Variants in NPEPPS observed in about 807,000 individuals in gnomAD.
The protein encoded by NPEPPS is puromycin-sensitive aminopeptidase.
A neutral mutation model predicts 115.5 loss-of-function variants in NPEPPS; 14 were observed. The observed-to-expected ratio is 0.12, with a 90% CI of 0.08 to 0.19. The LOEUF (loss-of-function observed/expected upper bound fraction) is 0.19, where lower values mean the gene tolerates loss of function less well. Ranked by LOEUF, NPEPPS falls within the 10% of genes least tolerant of loss-of-function variation. The pLI is 1.00. For synonymous variants in NPEPPS, 285 were observed against 390.6 expected (o/e 0.73, Z 3.19); for missense variants, 523 against 1,110.8 (o/e 0.47, Z 7.52).
rs760746804 is a variant in NPEPPS, at chr17:47,605,354, A to G, written c.1897A>G (p.Thr633Ala). ...FSLARAGIIS[T>A]VEVLKVMEAF... ...CCAGGCTCGAGCTGGAATCATTAGC[A>G]CTGTAGAGGTTCTAAAAGTCATGGA... Residue 633 changes from threonine to alanine, a missense_variant, in exon 17 of 23, where the codon ACT becomes GCT. By Grantham distance (58) the Thr-to-Ala change is moderately conservative. Coordinates refer to ENST00000322157, the MANE Select transcript of NPEPPS (RefSeq NM_006310.4). 6.2e-7 allele frequency: 1 copy of G among 1,609,418 alleles called. No individual in the cohort carries two copies. The highest frequency in any genetic ancestry group is 2.2e-5 in the East Asian group (1 of 44,834).
In NPEPPS at chr17:47,546,002, T is replaced by C. The variant is rs1238190572; in HGVS notation, c.340+9T>C. 3.9e-6 allele frequency: 6 copies of C among 1,523,814 alleles called. No homozygotes were observed. The highest frequency in any genetic ancestry group is 5.3e-6 in the Non-Finnish European group (6 of 1,134,116). The allele number at this position is 1,523,814 out of a possible 1,614,324, so 94.4% of individuals were successfully genotyped here. On this transcript the variant is annotated intron_variant, in intron 2 of 22. Transcript: ENST00000322157. ...ACCAGAAGGAGATGAAGGTAAGAGCTGTTTTCCATTTTAATTTGCTGTCTG... is the reference window on the plus strand; with the variant it reads ...ACCAGAAGGAGATGAAGGTAAGAGCCGTTTTCCATTTTAATTTGCTGTCTG...
chr17:47,585,452 G>T, intron 5 of NPEPPS, 48 bp from the exon 6 acceptor site: 10 of 1,348,236 alleles, frequency 7.4e-6, no homozygotes, highest in Admixed American at 1.7e-5. Context: ...TTGCTCTATG[G>T]TATTAATGTA....
At chr17:47,526,386 C>T (rs1164799079), upstream of NPEPPS, among the ~76,000 whole-genome samples, 3 of 152,190 alleles carry the variant, frequency 2.0e-5, no homozygotes, top group South Asian at 2.1e-4. Flanking sequence ...GGAGGGGCCC[C>T]GGTTTGCCGA....
chr17:47,532,839 A>ACATCCTGCACAATAGG (rs1907923092), intron 1 of NPEPPS, among the ~76,000 whole-genome samples: 2 of 152,134 alleles, frequency 1.3e-5, no homozygotes, highest in African/African-American at 2.4e-5. Flanking sequence ...TGCCCGACAA[A>ACATCCTGCACAATAGG]CATCCTGCAC....
At chr17:47,612,294 T>C (rs931684877) in intron 17 of NPEPPS, among the ~76,000 whole-genome samples, 166 bp from the exon 18 acceptor site, 2 of 152,264 alleles carry the variant, frequency 1.3e-5, no homozygotes, top group Non-Finnish European at 2.9e-5. Flanking sequence ...ATCACTCTTA[T>C]GATTTGATAA....
chr17:47,589,215 G>C (rs1327293657), intron 9 of NPEPPS, among the ~76,000 whole-genome samples: 1 of 152,044 alleles, frequency 6.6e-6, no homozygotes, highest in Admixed American at 6.6e-5. Flanking sequence ...CCAAAGTGCT[G>C]GGATTACAGG....
At chr17:47,603,852 A>G in intron 15 of NPEPPS, 63 bp from the exon 16 acceptor site, 1 of 1,475,348 alleles carries the variant, frequency 6.8e-7, no homozygotes, top group Non-Finnish European at 9.2e-7. Context: ...TTTTAAACAT[A>G]CAAAAGGTTG....
chr17:47,575,455 C>A (rs1911457235), intron 3 of NPEPPS, among the ~76,000 whole-genome samples: 1 of 151,550 alleles, frequency 6.6e-6, no homozygotes, highest in Non-Finnish European at 1.5e-5. Context: ...AAGGTTATGA[C>A]CATTCGTATA....
intron 15 of NPEPPS, chr17:47,603,439 A>C (rs1361196738): frequency 6.6e-6 from 1 of 152,318 alleles, no homozygotes; most frequent in Non-Finnish European, 1.5e-5. Flanking sequence ...TAATGCAGTC[A>C]GTAATTACCT....
At chr17:47,529,978 C>T, upstream of NPEPPS, among the ~76,000 whole-genome samples, 1 of 142,500 alleles carries the variant, frequency 7.0e-6, no homozygotes, top group African/African-American at 2.5e-5. Context: ...ACTCTGTCGC[C>T]CAGGCTGGAG....
chr17:47,560,049 A>G (rs1339285287), intron 2 of NPEPPS, among the ~76,000 whole-genome samples: 1 of 152,182 alleles, frequency 6.6e-6, no homozygotes, highest in Non-Finnish European at 1.5e-5. Flanking sequence ...CTTCCTCCTT[A>G]TGGAATTTCA....
chr17:47,595,067 A>T (rs1912777697), intron 12 of NPEPPS, among the ~76,000 whole-genome samples: 1 of 151,978 alleles, frequency 6.6e-6, no homozygotes, highest in South Asian at 2.1e-4. Flanking sequence ...AGTAGCTGGG[A>T]TTACAGGTGT....
At chr17:47,579,368 T>C in intron 3 of NPEPPS, 22 bp from the exon 4 acceptor site, 1 of 1,574,892 alleles carries the variant, frequency 6.3e-7, no homozygotes, top group Non-Finnish European at 8.6e-7. Flanking sequence ...TAAAAGTGTT[T>C]TTTATTTATC....
intron 18 of NPEPPS, 98 bp from the exon 19 acceptor site, chr17:47,613,571 T>C (rs1240557468): frequency 1.9e-6 from 2 of 1,066,218 alleles, no homozygotes; most frequent in Non-Finnish European, 2.9e-6. Flanking sequence ...CCGGCCAACA[T>C]TTACAATATT....
chr17:47,560,146 T>G (rs927994223), intron 2 of NPEPPS, among the ~76,000 whole-genome samples: 23 of 152,128 alleles, frequency 1.5e-4, no homozygotes, highest in African/African-American at 5.3e-4. Flanking sequence ...TTTAGTTTTG[T>G]GGGTGTCAAG....
intron 1 of NPEPPS, among the ~76,000 whole-genome samples, chr17:47,538,145 C>T (rs549721337): frequency 6.7e-5 from 10 of 148,350 alleles, no homozygotes; most frequent in Non-Finnish European, 1.0e-4. Context: ...TGCCTGCCTC[C>T]GCCTGCCAAA....
chr17:47,610,388 T>C (rs1299106893), intron 17 of NPEPPS, among the ~76,000 whole-genome samples: 1 of 151,744 alleles, frequency 6.6e-6, no homozygotes, highest in African/African-American at 2.4e-5. Flanking sequence ...TCATTCCTTT[T>C]TTTTTTGGGG....
chr17:47,566,460 TA>T lies in NPEPPS; in HGVS notation c.341-2954del, dbSNP rs1231247567. ...TGTGAAGTTTAAGTCTTGCCATTTT[TA>T]AATTGGGTTGTTTACCTTTTTATTC... is the stretch of plus-strand genomic sequence containing the variant. On this transcript the variant is annotated intron_variant, in intron 2 of 22. Transcript: ENST00000322157. Among the ~76,000 whole-genome samples the T allele has an allele frequency of 2.6e-5, 4 of 151,810 alleles. No individual in the cohort carries two copies. In the East Asian group the frequency reaches 7.8e-4, roughly 29 times the overall value.
At chr17:47,525,720 A>G (rs534473736) in intron 1 of NPEPPS, among the ~76,000 whole-genome samples, 1 of 152,264 alleles carries the variant, frequency 6.6e-6, no homozygotes, top group African/African-American at 2.4e-5. Flanking sequence ...TAGTTTCTCT[A>G]TGGGGCATAC....
Sources: allele counts gnomAD v4.1 joint callset (sites outside exome capture counted in the v4.1 genomes callset), GRCh38; gene constraint gnomAD v4.1.1; transcripts MANE v1.5; gene names NCBI Gene and HGNC (gene_info 2026-07-23, HGNC 2026-07-21).